Variants in KCNQ5 observed in about 807,000 individuals in gnomAD.
KCNQ5 encodes potassium voltage-gated channel subfamily KQT member 5.
KCNQ5 carries 30 observed loss-of-function variants against 98.2 expected under a neutral mutation model. That is an observed-to-expected ratio of 0.31 (90% CI 0.23 to 0.41). KCNQ5 has a LOEUF of 0.41. KCNQ5 is among the 10% of genes least tolerant of loss of function. KCNQ5 has a pLI of 1.00. For synonymous variants in KCNQ5, 458 were observed against 449.4 expected, an observed-to-expected ratio of 1.02 and a Z score of -0.24; for missense variants, 835 against 1,182.5, an observed-to-expected ratio of 0.71 and a Z score of 4.31.
At chr6:73,085,947 C>G (rs942310297) in intron 5 of KCNQ5, among the ~76,000 whole-genome samples, 2 of 151,954 alleles carry the variant, frequency 1.3e-5, no homozygotes. Context: ...ATTAATAAAC[C>G]GATGTAAAAG....
chr6:72,816,701 A>G (rs1343656564), intron 1 of KCNQ5, among the ~76,000 whole-genome samples: 2 of 152,210 alleles, frequency 1.3e-5, no homozygotes, highest in African/African-American at 4.8e-5. Context: ...CCAACAGTGT[A>G]TGAGCCATTT....
chr6:73,139,333 A>G (rs1044048022), intron 10 of KCNQ5, among the ~76,000 whole-genome samples: 1 of 152,048 alleles, frequency 6.6e-6, no homozygotes, highest in Non-Finnish European at 1.5e-5. Flanking sequence ...TCTCGGCCAG[A>G]CTCCCCTAAA....
At chr6:72,931,440 C>G (rs1034853500) in intron 1 of KCNQ5, among the ~76,000 whole-genome samples, 1 of 151,956 alleles carries the variant, frequency 6.6e-6, no homozygotes, top group Admixed American at 6.6e-5. Flanking sequence ...GCCTCTGAGC[C>G]CCTTCTGAAA....
chr6:72,658,962 G>T (rs1044922706), intron 1 of KCNQ5, among the ~76,000 whole-genome samples: 1 of 152,206 alleles, frequency 6.6e-6, no homozygotes, highest in African/African-American at 2.4e-5. Context: ...ATTAATGTGA[G>T]ATTTCTAAGC....
intron 5 of KCNQ5, among the ~76,000 whole-genome samples, chr6:73,091,719 TG>T (rs1378534350): frequency 5.9e-3 from 9 of 1,534 alleles, no homozygotes; most frequent in Non-Finnish European, 0.029. Flanking sequence ...TGGTTGGGTT[TG>T]TTTTTGTTGT....
intron 1 of KCNQ5, among the ~76,000 whole-genome samples, chr6:72,870,527 A>G (rs967203456): frequency 4.6e-5 from 7 of 152,078 alleles, no homozygotes; most frequent in South Asian, 2.1e-4. Flanking sequence ...CTGGAATTAC[A>G]AGTGTGAGCC....
At chr6:72,986,758 C>A (rs1768797386) in intron 1 of KCNQ5, 1 of 1,479,132 alleles carries the variant, frequency 6.8e-7, no homozygotes, top group East Asian at 2.3e-5. Flanking sequence ...CCTCCCCAGA[C>A]CCCAGACAGG....
chr6:72,738,902 G>A (rs1347926218), intron 1 of KCNQ5, among the ~76,000 whole-genome samples: 4 of 152,160 alleles, frequency 2.6e-5, no homozygotes, highest in Non-Finnish European at 4.4e-5. Flanking sequence ...TAGGGAGAAG[G>A]AGGGATGATG....
At chr6:73,130,720 G>A (rs977854706) in intron 9 of KCNQ5, among the ~76,000 whole-genome samples, 3 of 152,244 alleles carry the variant, frequency 2.0e-5, no homozygotes, top group Middle Eastern at 3.4e-3. Context: ...TAATCAAGAC[G>A]CTGTGTTGAT....
Position 72,622,555 on chromosome 6 carries a change from C to A in KCNQ5, c.366C>A (p.Pro122=). The A allele has an allele frequency of 5.6e-6, 9 of 1,612,648 alleles. No individual in the cohort carries two copies. Among genetic ancestry groups the A allele is most frequent in the African/African-American group, 1.3e-5 (1 of 74,996 alleles). Residue 122 remains proline, a synonymous_variant, in exon 1 of 14, where the codon CCC becomes CCA. Coordinates refer to ENST00000370398, the MANE Select transcript of KCNQ5 (RefSeq NM_019842.4). This position sits in a 1 kb window ranked among gnomAD's most constrained non-coding sequence, Gnocchi z 6.0. The part of the protein sequence containing the change: ...QNYLYNVLER[P]RGWAFIYHAF... ...ACCTGTACAACGTGCTGGAGAGACC[C>A]CGCGGCTGGGCGTTCATCTACCACG...
At chr6:72,888,624 TA>T (rs1778941342) in intron 1 of KCNQ5, among the ~76,000 whole-genome samples, 1 of 152,132 alleles carries the variant, frequency 6.6e-6, no homozygotes, top group African/African-American at 2.4e-5. Flanking sequence ...TGGGGGACCA[TA>T]AAGTAGTGAC....
chr6:72,812,986 A>G (rs1482856353), intron 1 of KCNQ5, among the ~76,000 whole-genome samples: 1 of 152,206 alleles, frequency 6.6e-6, no homozygotes, highest in Non-Finnish European at 1.5e-5. Context: ...TTTATAAGAT[A>G]CTATTACAAT....
Position 72,880,956 on chromosome 6 carries a change from T to C in KCNQ5, c.399-122952T>C, listed in dbSNP as rs578171287. On this transcript the variant is annotated intron_variant, in intron 1 of 13. Coordinates refer to ENST00000370398, the MANE Select transcript of KCNQ5 (RefSeq NM_019842.4). The stretch of plus-strand genomic sequence containing the variant: ...AAGAGCAAAAACATGAACAGTTGGA[T>C]TGATCCAAGATTGATGGAGCAGAGA... 3.3e-5 allele frequency among the ~76,000 whole-genome samples: 5 copies of C among 152,330 alleles called. No individual in the cohort carries two copies. In the South Asian group the frequency reaches 1.0e-3, roughly 32 times the overall value.
chr6:72,652,897 A>G (rs1462381712), intron 1 of KCNQ5, among the ~76,000 whole-genome samples: 1 of 152,050 alleles, frequency 6.6e-6, no homozygotes, highest in Non-Finnish European at 1.5e-5. Flanking sequence ...GGTTAGAACT[A>G]TATCACACTG....
chr6:73,059,129 T>C (rs1034039391), intron 3 of KCNQ5, among the ~76,000 whole-genome samples: 1 of 152,162 alleles, frequency 6.6e-6, no homozygotes, highest in Admixed American at 6.5e-5. Context: ...TTCATCTCAG[T>C]ACTATTCACA....
chr6:73,112,423 G>A (rs1775283121), intron 7 of KCNQ5, among the ~76,000 whole-genome samples: 1 of 151,268 alleles, frequency 6.6e-6, no homozygotes, highest in Non-Finnish European at 1.5e-5. Flanking sequence ...TCGGCTCACT[G>A]CAAGCTCCGC....
At chr6:72,746,064 C>CAAAAAAAAA (rs59726566) in intron 1 of KCNQ5, among the ~76,000 whole-genome samples, 11 of 80,206 alleles carry the variant, frequency 1.4e-4, no homozygotes, top group African/African-American at 2.8e-4. Flanking sequence ...ACTCTATTTG[C>CAAAAAAAAA]AAAAAAAAAA....
chr6:72,884,423 C>T (rs983990697), intron 1 of KCNQ5, among the ~76,000 whole-genome samples: 1 of 151,902 alleles, frequency 6.6e-6, no homozygotes, highest in African/African-American at 2.4e-5. Flanking sequence ...AGAAAGAAGT[C>T]ATCATAATAG....
intron 1 of KCNQ5, among the ~76,000 whole-genome samples, chr6:72,748,068 T>C (rs1289227738): frequency 6.6e-6 from 1 of 152,044 alleles, no homozygotes; most frequent in Non-Finnish European, 1.5e-5. Flanking sequence ...AAGAATAAAG[T>C]GTGGTTTGGT....
Sources: gnomAD v4.1 joint callset for allele counts (sites outside exome capture counted in the v4.1 genomes callset) on GRCh38, gnomAD v4.1.1 for gene constraint, Gnocchi (gnomAD v3.1) non-coding constraint, MANE v1.5 for transcripts, NCBI Gene and HGNC (gene_info 2026-07-23, HGNC 2026-07-21) for gene names.